CAMKMT: variants seen among roughly 807,000 people sequenced by gnomAD.
The protein encoded by CAMKMT is CaM KMT.
Under a neutral mutation model 48.0 loss-of-function variants are expected in CAMKMT, and 53 were observed. The ratio of observed to expected loss-of-function variants is 1.10; its 90% CI spans 0.89 to 1.39. The LOEUF (loss-of-function observed/expected upper bound fraction) is 1.39, where lower values mean the gene tolerates loss of function less well. CAMKMT is among the 40% of genes most tolerant of loss of function. The pLI, the probability that CAMKMT is intolerant of heterozygous loss-of-function variation, is 0.00. For missense variants in CAMKMT, 428 were observed against 402.7 expected (o/e 1.06, Z -0.54); for synonymous variants, 165 against 152.3 (o/e 1.08, Z -0.61).
chr2:44,459,738 C>T (rs1476976036), intron 3 of CAMKMT, among the ~76,000 whole-genome samples: 1 of 152,166 alleles, frequency 6.6e-6, no homozygotes, highest in Non-Finnish European at 1.5e-5. Flanking sequence ...TTTATGTTAG[C>T]AAGCCTTGAT....
chr2:44,389,257 G>C (rs1347932673), intron 2 of CAMKMT, among the ~76,000 whole-genome samples: 3 of 151,936 alleles, frequency 2.0e-5, no homozygotes, highest in Admixed American at 1.3e-4. Context: ...ATTGCATTAG[G>C]GCCCACCCTA....
intron 7 of CAMKMT, among the ~76,000 whole-genome samples, chr2:44,731,719 C>G (rs1679087052): frequency 1.3e-5 from 2 of 152,160 alleles, no homozygotes; most frequent in South Asian, 4.1e-4. Flanking sequence ...ATTTCTTGAG[C>G]ACCTATAATG....
chr2:44,602,527 T>C (rs561495585), intron 3 of CAMKMT, among the ~76,000 whole-genome samples: 2 of 152,182 alleles, frequency 1.3e-5, no homozygotes, highest in Non-Finnish European at 2.9e-5. Context: ...CTCACACTGC[T>C]CTAAAGAACT....
At chr2:44,734,970 GT>G (rs1679279453) in intron 7 of CAMKMT, among the ~76,000 whole-genome samples, 1 of 152,100 alleles carries the variant, frequency 6.6e-6, no homozygotes, top group Non-Finnish European at 1.5e-5. Flanking sequence ...CAATAATTTG[GT>G]TTCATCTGTG....
chr2:44,697,580 T>A (rs868319487), intron 3 of CAMKMT, among the ~76,000 whole-genome samples: 98 of 152,224 alleles, frequency 6.4e-4, no homozygotes, highest in African/African-American at 2.1e-3. Context: ...AAAACAAAAA[T>A]GTGTGCATGA....
intron 3 of CAMKMT, among the ~76,000 whole-genome samples, chr2:44,396,242 A>G (rs1203008790): frequency 6.6e-6 from 1 of 151,938 alleles, no homozygotes; most frequent in African/African-American, 2.4e-5. Context: ...CCATGAATTT[A>G]AAGGTTAATA....
intron 8 of CAMKMT, among the ~76,000 whole-genome samples, chr2:44,750,882 G>A (rs1185823423): frequency 2.0e-5 from 3 of 152,234 alleles, no homozygotes; most frequent in Admixed American, 6.5e-5. Context: ...GCATGATGGC[G>A]CATGTCTGTA....
rs761968680 is a variant in CAMKMT at position 44,754,123 on chromosome 2, G to A, written c.762+5G>A. 5.6e-6 allele frequency: 9 copies of A among 1,611,354 alleles called. No homozygotes were observed. The highest frequency in any genetic ancestry group is 4.4e-5 in the South Asian group (4 of 91,026). ...AAGAGATTACTCCAGCCCAGGGTAA[G>A]TATGTTTCTATTTTCTCCTGAACAC... is the stretch of plus-strand genomic sequence containing the variant. On this transcript the variant is annotated splice_donor_5th_base_variant and intron_variant, in intron 9 of 10. Transcript: ENST00000378494.
chr2:44,764,353 G>A (rs776407651), intron 9 of CAMKMT, among the ~76,000 whole-genome samples: 1 of 152,084 alleles, frequency 6.6e-6, no homozygotes, highest in Non-Finnish European at 1.5e-5. Flanking sequence ...AGCACTGTTA[G>A]GTGGTGTAGA....
chr2:44,407,280 C>A (rs1158542513), intron 3 of CAMKMT, among the ~76,000 whole-genome samples: 4 of 152,166 alleles, frequency 2.6e-5, no homozygotes, highest in Non-Finnish European at 5.9e-5. Context: ...GATCTCTGTG[C>A]TCCTGAGCCT....
intron 10 of CAMKMT, among the ~76,000 whole-genome samples, chr2:44,766,968 A>G (rs1255178523): frequency 2.0e-5 from 3 of 152,158 alleles, no homozygotes; most frequent in Non-Finnish European, 4.4e-5. Flanking sequence ...TGGACTGTAA[A>G]TCTTTATCTC....
chr2:44,692,952 C>T (rs775486239), intron 3 of CAMKMT, among the ~76,000 whole-genome samples: 3 of 152,208 alleles, frequency 2.0e-5, no homozygotes, highest in African/African-American at 7.2e-5. Context: ...TATGCGTCTG[C>T]TGTACATCAT....
chr2:44,740,151 AG>A (rs1212296614), intron 7 of CAMKMT, among the ~76,000 whole-genome samples: 1 of 146,046 alleles, frequency 6.8e-6, no homozygotes, highest in African/African-American at 2.6e-5. Context: ...TTTTTGAGAA[AG>A]GGTCTCATTT....
chr2:44,586,419 G>T (rs1316491324), intron 3 of CAMKMT, among the ~76,000 whole-genome samples: 1 of 151,894 alleles, frequency 6.6e-6, no homozygotes, highest in Non-Finnish European at 1.5e-5. Flanking sequence ...GTTTTCCCCT[G>T]CTCTTTTGTA....
At chr2:44,701,474 C>A (rs931392020) in intron 3 of CAMKMT, among the ~76,000 whole-genome samples, 3 of 152,140 alleles carry the variant, frequency 2.0e-5, no homozygotes, top group African/African-American at 7.2e-5. Context: ...AGGAGTGTAA[C>A]TTGGTGCACA....
intron 2 of CAMKMT, among the ~76,000 whole-genome samples, chr2:44,374,031 G>A (rs917493511): frequency 2.8e-5 from 4 of 145,422 alleles, no homozygotes; most frequent in African/African-American, 1.0e-4. Flanking sequence ...GGCTGAGGTG[G>A]AAAGATTGAT....
At chr2:44,417,303 G>A (rs1067385) in intron 3 of CAMKMT, among the ~76,000 whole-genome samples, 86,277 of 151,832 alleles carry the variant, frequency 0.57, 25,631 homozygotes, top group Non-Finnish European at 0.66. Context: ...GCTGAGGCAG[G>A]AGAATTGCTT....
At position 44,478,019 on chromosome 2, in the gene CAMKMT, A is replaced by G. The variant is rs150325561; in HGVS notation, c.376+87714A>G. The stretch of plus-strand genomic sequence containing the variant: ...ATTTGTTTCAGTGGCCCTAAAAAAT[A>G]CCTATATGTACCATAGATTTAATGT... On this transcript the variant is annotated intron_variant, in intron 3 of 10. Coordinates refer to ENST00000378494, the MANE Select transcript of CAMKMT (RefSeq NM_024766.5). 3.5e-3 allele frequency among the ~76,000 whole-genome samples: 534 copies of G among 152,318 alleles called. 7 individuals carry two copies. Among genetic ancestry groups the G allele is most frequent in the Middle Eastern group, 0.034 (10 of 294 alleles).
chr2:44,497,709 A>AGAGAGAGAGAGAGAGAG (rs1558657751), intron 3 of CAMKMT, among the ~76,000 whole-genome samples: 6 of 138,990 alleles, frequency 4.3e-5, no homozygotes, highest in African/African-American at 1.3e-4. Context: ...TAAGCAGGCA[A>AGAGAGAGAGAGAGAGAG]AGAGAGAGAG....
Sources: allele counts gnomAD v4.1 joint callset (sites outside exome capture counted in the v4.1 genomes callset), GRCh38; gene constraint gnomAD v4.1.1; transcripts MANE v1.5; gene names NCBI Gene and HGNC (gene_info 2026-07-23, HGNC 2026-07-21).